Variants in KIAA0586 observed in about 807,000 individuals in gnomAD.
KIAA0586 encodes the protein KIAA0586.
A neutral mutation model predicts 169.8 loss-of-function variants in KIAA0586; 144 were observed. The observed-to-expected ratio is 0.85, with a 90% CI of 0.74 to 0.97. The LOEUF is 0.97. KIAA0586 is among the 50% of genes least tolerant of loss of function. The pLI is 0.00. For missense variants in KIAA0586, 1,854 were observed against 1,823.0 expected (o/e 1.02, Z -0.31); for synonymous variants, 625 against 612.4 (o/e 1.02, Z -0.30).
At chr14:58,432,860 G>A (rs2037492858) in intron 4 of KIAA0586, among the ~76,000 whole-genome samples, 1 of 152,126 alleles carries the variant, frequency 6.6e-6, no homozygotes, top group African/African-American at 2.4e-5. Flanking sequence ...GGGATTACAG[G>A]CACCTGCCAT....
chr14:58,539,204 C>CT (rs890932144), intron 29 of KIAA0586, among the ~76,000 whole-genome samples: 11 of 152,132 alleles, frequency 7.2e-5, no homozygotes, highest in Non-Finnish European at 1.6e-4. Flanking sequence ...GGATCTCATC[C>CT]TTTTTTATGG....
chr14:58,507,267 A>C (rs972568997), intron 27 of KIAA0586, among the ~76,000 whole-genome samples: 1 of 146,462 alleles, frequency 6.8e-6, no homozygotes, highest in South Asian at 2.2e-4. Context: ...TATGATTTAT[A>C]TATATGTATG....
chr14:58,544,609 C>A (rs1282267259), intron 30 of KIAA0586, among the ~76,000 whole-genome samples: 1 of 152,178 alleles, frequency 6.6e-6, no homozygotes, highest in Admixed American at 6.5e-5. Context: ...TTGCATTTCT[C>A]TAATGAGCAG....
intron 27 of KIAA0586, among the ~76,000 whole-genome samples, chr14:58,502,977 T>C (rs2043680574): frequency 6.6e-6 from 1 of 152,190 alleles, no homozygotes; most frequent in Non-Finnish European, 1.5e-5. Context: ...TTTCAGGAAG[T>C]GTCCTATTTT....
intron 26 of KIAA0586, among the ~76,000 whole-genome samples, chr14:58,496,911 A>C (rs2043191678): frequency 6.6e-6 from 1 of 152,144 alleles, no homozygotes; most frequent in Non-Finnish European, 1.5e-5. Flanking sequence ...TTTAATACAG[A>C]AAGAAAATAG....
At chr14:58,502,287 C>T (rs540301799) in intron 27 of KIAA0586, among the ~76,000 whole-genome samples, 41 of 152,200 alleles carry the variant, frequency 2.7e-4, no homozygotes, top group African/African-American at 9.6e-4. Context: ...AGATGCACGC[C>T]GCCACCTCGC....
intron 4 of KIAA0586, 120 bp from the exon 5 acceptor site, chr14:58,442,586 A>T (rs974678408): frequency 3.0e-6 from 2 of 677,158 alleles, no homozygotes; most frequent in Admixed American, 3.3e-5. Context: ...ACCTTGTTTG[A>T]TAGGTGATTT....
Position 58,459,844 on chromosome 14 carries a change from A to G in KIAA0586, c.1658A>G (p.Asp553Gly). 6.7e-7 allele frequency: 1 copy of G among 1,497,598 alleles called. No homozygotes were observed. Among genetic ancestry groups the G allele is most frequent in the Non-Finnish European group, 8.9e-7 (1 of 1,123,640 alleles). 92.8% of individuals were successfully genotyped at this position (1,497,598 alleles called of 1,614,324 possible). The change falls in exon 13 of 31, where the codon GAT becomes GGT. Residue 553 changes from aspartate (D) to glycine (G), a missense_variant and splice_region_variant. By Grantham distance (94) the Asp-to-Gly change is moderately conservative. Transcript: ENST00000652326. ...WIKTISAEIQ[D>G]ELSRTDYEQK... ...AATTTTAACTTTGGTTATGTTAAGGATGAACTGTCAAGAACAGATTATGAA... is the reference window on the plus strand; with the variant it reads ...AATTTTAACTTTGGTTATGTTAAGGGTGAACTGTCAAGAACAGATTATGAA...
chr14:58,557,448 A>G, the KIAA0586 span, among the ~76,000 whole-genome samples: 2 of 152,244 alleles, frequency 1.3e-5, no homozygotes, highest in African/African-American at 4.8e-5. Flanking sequence ...GGGACTGCAC[A>G]GTATGTGGAA....
intron 4 of KIAA0586, chr14:58,441,099 T>C (rs2038312952): frequency 1.2e-5 from 1 of 82,766 alleles, no homozygotes; most frequent in Non-Finnish European, 2.5e-5. Flanking sequence ...ACACTGTAAA[T>C]ATATACAATT....
chr14:58,535,464 T>C lies in KIAA0586; in HGVS notation c.4430-4607T>C, dbSNP rs112042437. ...GAATGTACATTACTCAAGTTAATTG[T>C]GATTTGCATTCAGGATAGGTGGGTC... is the stretch of plus-strand genomic sequence containing the variant. On this transcript the variant is annotated intron_variant, in intron 29 of 30. Transcript: ENST00000652326. 3.3e-3 allele frequency among the ~76,000 whole-genome samples: 504 copies of C among 152,362 alleles called. 6 individuals carry two copies. The highest frequency in any genetic ancestry group is 0.012 in the African/African-American group (483 of 41,594).
chr14:58,552,370 C>T (rs189331959), downstream of KIAA0586, among the ~76,000 whole-genome samples: 28 of 152,068 alleles, frequency 1.8e-4, no homozygotes, highest in African/African-American at 6.8e-4. Context: ...TTCTTCTTGT[C>T]CTGAAGTGTT....
chr14:58,525,909 G>A (rs1006527245), intron 29 of KIAA0586, among the ~76,000 whole-genome samples: 12 of 152,214 alleles, frequency 7.9e-5, no homozygotes, highest in African/African-American at 2.9e-4. Flanking sequence ...GGCTTGAGTA[G>A]GCGGTTTTCC....
intron 21 of KIAA0586, among the ~76,000 whole-genome samples, chr14:58,483,394 C>T (rs1014851403): frequency 1.1e-4 from 16 of 152,230 alleles, no homozygotes; most frequent in African/African-American, 3.6e-4. Context: ...TTGAAAGTTA[C>T]AGACATCTTT....
intron 3 of KIAA0586, 133 bp downstream of exon 3, chr14:58,430,850 C>A (rs2037305940): frequency 3.5e-6 from 2 of 577,498 alleles, no homozygotes; most frequent in South Asian, 2.4e-5. Flanking sequence ...CCTTTCATAT[C>A]CAGAGCTTTG....
In KIAA0586 at chr14:58,460,057, AAGAG is replaced by A; in HGVS notation, c.1875_1878del (p.Glu628GlyfsTer3). ...GGCATGCCTGCTTCAAGTTTACAGAAAGAGAGAAAGGAAGTAAGATCCTAATCTG... is the reference window on the plus strand; with the variant it reads ...GGCATGCCTGCTTCAAGTTTACAGAAAGAAAGGAAGTAAGATCCTAATCTG... On this transcript the variant is annotated frameshift_variant, in exon 13 of 31. Transcript: ENST00000652326. LOFTEE classifies it high-confidence loss of function. 1.3e-6 allele frequency: 2 copies of A among 1,508,800 alleles called. No homozygotes were observed. The highest frequency in any genetic ancestry group is 1.8e-6 in the Non-Finnish European group (2 of 1,125,576). The allele number at this position is 1,508,800 out of a possible 1,614,324, so 93.5% of individuals were successfully genotyped here.
chr14:58,487,078 G>C lies in KIAA0586; in HGVS notation c.3216G>C (p.Glu1072Asp), dbSNP rs528416301. Reference sequence around the variant, plus strand: ...GCTCACCTTCATCACCTGCTAAGGAGTGTGTTTTGGTAAAGACTCCAGATT... The same window carrying C: ...GCTCACCTTCATCACCTGCTAAGGACTGTGTTTTGGTAAAGACTCCAGATT... ...PPCSPSSPAK[E>D]CVLVKTPDSS... Residue 1072 changes from glutamate (E) to aspartate (D), a missense_variant, in exon 22 of 31, where the codon GAG becomes GAC. Glu to Asp is a conservative substitution (Grantham distance 45, BLOSUM62 2). Transcript: ENST00000652326. 1.2e-6 allele frequency: 2 copies of C among 1,613,448 alleles called. No homozygotes were observed. Among genetic ancestry groups the C allele is most frequent in the Non-Finnish European group, 1.7e-6 (2 of 1,179,546 alleles).
At chr14:58,460,325 G>A (rs2040222805) in intron 13 of KIAA0586, among the ~76,000 whole-genome samples, 1 of 152,052 alleles carries the variant, frequency 6.6e-6, no homozygotes, top group Non-Finnish European at 1.5e-5. Flanking sequence ...CAGGTATAAA[G>A]GTATATCTAG....
rs374787927 is a variant in KIAA0586, at chr14:58,515,439, A to G, written c.4429+2812A>G. On this transcript the variant is annotated intron_variant, in intron 29 of 30. Transcript: ENST00000652326. ...TAACTTTAAATATGTGAACATTAGG[A>G]AATTCAAAGCTTATATATTCTTAGA... 2.6e-5 allele frequency among the ~76,000 whole-genome samples: 4 copies of G among 152,240 alleles called. 1 individual carries two copies.
Sources: gnomAD v4.1 joint callset for allele counts (sites outside exome capture counted in the v4.1 genomes callset) on GRCh38, gnomAD v4.1.1 for gene constraint, MANE v1.5 for transcripts, NCBI Gene and HGNC (gene_info 2026-07-23, HGNC 2026-07-21) for gene names.